Variants in ADAM17 observed in about 807,000 individuals in gnomAD.
The protein encoded by ADAM17 is disintegrin and metalloproteinase domain-containing protein 17.
Under a neutral mutation model 96.7 loss-of-function variants are expected in ADAM17, and 39 were observed. The ratio of observed to expected loss-of-function variants is 0.40; its 90% CI spans 0.31 to 0.53. The LOEUF (loss-of-function observed/expected upper bound fraction) is 0.53, where lower values mean the gene tolerates loss of function less well. ADAM17 is among the 20% of genes least tolerant of loss of function. ADAM17 has a pLI of 0.44. For missense variants in ADAM17, 777 were observed against 1,013.2 expected (o/e 0.77, Z 3.17); for synonymous variants, 344 against 359.2 (o/e 0.96, Z 0.48).
At chr2:9,537,126 C>A (rs1664989336) in intron 2 of ADAM17, among the ~76,000 whole-genome samples, 1 of 152,200 alleles carries the variant, frequency 6.6e-6, no homozygotes, top group African/African-American at 2.4e-5. Flanking sequence ...ACACACATGA[C>A]TGCGTAGTTA....
intron 5 of ADAM17, among the ~76,000 whole-genome samples, chr2:9,527,065 G>A (rs980268787): frequency 1.3e-5 from 2 of 152,126 alleles, no homozygotes; most frequent in Admixed American, 6.6e-5. Flanking sequence ...GTGCACGCCT[G>A]TAATCCCAAC....
rs1048369891 is a variant in ADAM17, at chr2:9,489,550, G to C, written c.*627C>G. On this transcript the variant is annotated 3_prime_UTR_variant, in exon 19 of 19. Transcript: ENST00000310823. Reference sequence around the variant, plus strand: ...GCCCTCACTGTAAGGTAGGTGGTTAGGTTTCTAGAGAGCATTAGTCTTAGA... The same window carrying C: ...GCCCTCACTGTAAGGTAGGTGGTTACGTTTCTAGAGAGCATTAGTCTTAGA... The C allele has an allele frequency of 3.9e-5, 6 of 152,354 alleles. No homozygotes were observed. The highest frequency in any genetic ancestry group is 1.4e-4 in the African/African-American group (6 of 41,414). The allele number at this position is 152,354 out of a possible 1,614,324, so 9.4% of individuals were successfully genotyped here. A position where few individuals can be genotyped will look rare whatever the true frequency, so the allele number is the denominator to read the frequency against.
At chr2:9,528,332 A>C (rs1369580134) in intron 4 of ADAM17, among the ~76,000 whole-genome samples, 2 of 152,182 alleles carry the variant, frequency 1.3e-5, no homozygotes, top group African/African-American at 2.4e-5. Flanking sequence ...ATAGTAATGA[A>C]AATTGGACAA....
In ADAM17 at chr2:9,550,983, G is replaced by A. The variant is rs376694096; in HGVS notation, c.97+4526C>T. Among the ~76,000 whole-genome samples, 229 of 151,398 alleles carry A rather than the reference G, an allele frequency of 1.5e-3. 1 individual carries two copies. Among genetic ancestry groups the A allele is most frequent in the Middle Eastern group, 0.01 (3 of 294 alleles). On this transcript the variant is annotated intron_variant, in intron 1 of 18. Transcript: ENST00000310823. ...CCAGCTATTCGTGAGGCTGAGGCAC[G>A]AGAATCACTTGAACCTGGGAAGTGG...
chr2:9,537,366 C>T (rs1414085327), intron 2 of ADAM17, among the ~76,000 whole-genome samples: 2 of 152,186 alleles, frequency 1.3e-5, no homozygotes, highest in South Asian at 2.1e-4. Flanking sequence ...TATGCTGTCT[C>T]TATCAAGCTG....
rs34525911 is a variant in ADAM17, at chr2:9,489,259, A to ATTTTTT, written c.*912_*917dup. On this transcript the variant is annotated 3_prime_UTR_variant, in exon 19 of 19. Coordinates refer to ENST00000310823, the MANE Select transcript of ADAM17 (RefSeq NM_003183.6). ...AATATTCTAGGTTTGTAGATAGTGA[A>ATTTTTT]TTTTTTTTTTTTTTTTTTTTTTTTG... The ATTTTTT allele has an allele frequency of 5.1e-4, 45 of 87,402 alleles. 2 individuals carry two copies. Among genetic ancestry groups the ATTTTTT allele is most frequent in the African/African-American group, 2.5e-3 (39 of 15,532 alleles). 5.4% of individuals were successfully genotyped at this position (87,402 alleles called of 1,614,324 possible).
At chr2:9,512,937 T>C (rs2125011874) in intron 10 of ADAM17, among the ~76,000 whole-genome samples, 1 of 152,310 alleles carries the variant, frequency 6.6e-6, no homozygotes, top group East Asian at 1.9e-4. Flanking sequence ...GAAGCTCCTG[T>C]ACTCGGGACC....
Position 9,504,763 on chromosome 2 carries a change from GAA to G in ADAM17, c.1544+401_1544+402del, listed in dbSNP as rs55649546. On this transcript the variant is annotated intron_variant, in intron 12 of 18. Coordinates refer to ENST00000310823, the MANE Select transcript of ADAM17 (RefSeq NM_003183.6). ...GCGACAGAGCAAGACTCTGTCTCAG[GAA>G]AAAAAAAAAAAAAAAAGATTCTTTT... is the stretch of plus-strand genomic sequence containing the variant. Among the ~76,000 whole-genome samples the G allele has an allele frequency of 3.6e-3, 421 of 117,738 alleles. 1 individual carries two copies. The highest frequency in any genetic ancestry group is 0.011 in the African/African-American group (338 of 30,118). The allele number at this position is 117,738 out of a possible 152,430, so 77.2% of individuals were successfully genotyped here.
At chr2:9,497,050 A>G in intron 14 of ADAM17, 64 bp downstream of exon 14, 1 of 1,579,832 alleles carries the variant, frequency 6.3e-7, no homozygotes, top group South Asian at 1.2e-5. Context: ...AAATGGAGGA[A>G]GGGAGCCTGG....
intron 14 of ADAM17, among the ~76,000 whole-genome samples, chr2:9,495,669 G>A (rs139863827): frequency 0.018 from 2,703 of 150,580 alleles, 113 homozygotes; most frequent in African/African-American, 0.063. Context: ...ACCTGAGATC[G>A]CGCCACTGCA....
chr2:9,512,155 ACT>A (rs1475989052), intron 10 of ADAM17, among the ~76,000 whole-genome samples: 1 of 152,144 alleles, frequency 6.6e-6, no homozygotes, highest in Non-Finnish European at 1.5e-5. Context: ...GGGAAAAAAA[ACT>A]TAAATTTTTA....
intron 12 of ADAM17, among the ~76,000 whole-genome samples, chr2:9,504,406 C>T (rs1226822512): frequency 6.6e-6 from 1 of 151,990 alleles, no homozygotes; most frequent in Non-Finnish European, 1.5e-5. Flanking sequence ...GATCGCGCCA[C>T]TGCACTCCAG....
intron 14 of ADAM17, among the ~76,000 whole-genome samples, chr2:9,495,860 CTTTTT>C (rs34087915): frequency 2.9e-5 from 4 of 138,664 alleles, no homozygotes; most frequent in Non-Finnish European, 6.3e-5. Flanking sequence ...TACGTGTTAC[CTTTTT>C]TTTTTTTTTT....
intron 10 of ADAM17, among the ~76,000 whole-genome samples, chr2:9,514,429 G>A (rs1193274619): frequency 1.4e-5 from 2 of 146,510 alleles, no homozygotes; most frequent in African/African-American, 2.5e-5. Context: ...CGAGTTAATG[G>A]GTGCAGCACA....
intron 4 of ADAM17, among the ~76,000 whole-genome samples, chr2:9,528,165 A>G (rs1664601021): frequency 6.6e-6 from 1 of 152,182 alleles, no homozygotes; most frequent in African/African-American, 2.4e-5. Context: ...AACTCTGATT[A>G]TTTTATCTGT....
chr2:9,502,478 A>G (rs1485716165), intron 12 of ADAM17, among the ~76,000 whole-genome samples: 4 of 152,192 alleles, frequency 2.6e-5, no homozygotes, highest in Non-Finnish European at 5.9e-5. Flanking sequence ...GTGAGGTCAC[A>G]TAAATGCCAC....
intron 1 of ADAM17, among the ~76,000 whole-genome samples, chr2:9,546,357 AT>A (rs755494066): frequency 1.3e-5 from 2 of 152,214 alleles, no homozygotes; most frequent in African/African-American, 2.4e-5. Context: ...ATAACTGGAT[AT>A]CTCAAATTGA....
chr2:9,504,305 C>A (rs1293053294), intron 12 of ADAM17, among the ~76,000 whole-genome samples: 1 of 151,558 alleles, frequency 6.6e-6, no homozygotes, highest in Admixed American at 6.6e-5. Flanking sequence ...ATCAGCCAGG[C>A]GTGATGGTGC....
At chr2:9,517,221 T>C (rs1393551750) in intron 10 of ADAM17, among the ~76,000 whole-genome samples, 1 of 152,182 alleles carries the variant, frequency 6.6e-6, no homozygotes, top group African/African-American at 2.4e-5. Context: ...GCTTATTTAA[T>C]TTTCTGTTAT....
Sources: allele counts gnomAD v4.1 joint callset (sites outside exome capture counted in the v4.1 genomes callset), GRCh38; gene constraint gnomAD v4.1.1; transcripts MANE v1.5; gene names NCBI Gene and HGNC (gene_info 2026-07-23, HGNC 2026-07-21).